The following SLC9C2 variants were observed in gnomAD, a reference collection of about 807,000 sequenced individuals.
SLC9C2 encodes solute carrier family 9 member C2 (putative).
In SLC9C2, 75 loss-of-function variants were observed where a neutral mutation model predicts 140.2. The ratio of observed to expected loss-of-function variants is 0.53; its 90% confidence interval spans 0.44 to 0.65. The LOEUF is 0.65. Ranked by LOEUF, SLC9C2 falls within the 30% of genes least tolerant of loss-of-function variation. The pLI is 0.00. For synonymous variants in SLC9C2, 375 were observed against 420.9 expected (o/e 0.89, Z 1.34); for missense variants, 1,074 against 1,331.8 (o/e 0.81, Z 3.01).
intron 8 of SLC9C2, 58 bp downstream of exon 8, chr1:173,576,603 G>C: frequency 3.9e-6 from 4 of 1,034,158 alleles, no homozygotes; most frequent in Non-Finnish European, 1.5e-6. Flanking sequence ...ATGAAGGCGA[G>C]ACGCCTTATG....
rs372849188 is a variant in SLC9C2, at chr1:173,533,817, C to T, written c.1975-20G>A. The T allele has an allele frequency of 6.3e-7, 1 of 1,585,742 alleles. No individual in the cohort carries two copies. Among genetic ancestry groups the T allele is most frequent in the Non-Finnish European group, 8.6e-7 (1 of 1,165,854 alleles). ...TATTATCTGTACAGAAAACAAATGT[C>T]ATTTCATAGCACCTATACAGTAATG... On this transcript the variant is annotated intron_variant, in intron 16 of 27. Transcript: ENST00000367714.
intron 9 of SLC9C2, among the ~76,000 whole-genome samples, chr1:173,568,724 A>G (rs929823396): frequency 1.3e-5 from 2 of 152,154 alleles, no homozygotes; most frequent in Non-Finnish European, 2.9e-5. Context: ...ATAATTGTCC[A>G]TGATTTTCCA....
chr1:173,527,025 A>G (rs140984491), intron 18 of SLC9C2, among the ~76,000 whole-genome samples: 8,296 of 151,992 alleles, frequency 0.055, 759 homozygotes, highest in African/African-American at 0.19. Flanking sequence ...TTGTATTTTT[A>G]GTAGAGATGG....
At chr1:173,569,206 A>G (rs1664685462) in intron 9 of SLC9C2, among the ~76,000 whole-genome samples, 1 of 151,720 alleles carries the variant, frequency 6.6e-6, no homozygotes, top group Non-Finnish European at 1.5e-5. Context: ...CTGACTGCAT[A>G]TTTTCAAATA....
At position 173,576,720 on chromosome 1, in the gene SLC9C2, A is replaced by C; in HGVS notation, c.843T>G (p.Ala281=). 1 of 1,609,812 alleles carries C rather than the reference A, an allele frequency of 6.2e-7. No individual in the cohort carries two copies. The highest frequency in any genetic ancestry group is 1.3e-5 in the African/African-American group (1 of 74,798). The change falls in exon 8 of 28, where the codon GCT becomes GCG. Residue 281 remains alanine, a synonymous_variant. Coordinates refer to ENST00000367714, the MANE Select transcript of SLC9C2 (RefSeq NM_178527.4). Reference sequence around the variant, plus strand: ...TTAAAGAATCTAAATTCAGTCCTACAGCGGCTAAGGCAAGAGTGCCTGACA... The same window carrying C: ...TTAAAGAATCTAAATTCAGTCCTACCGCGGCTAAGGCAAGAGTGCCTGACA... ...LGMSGTLALA[A]VGLNLDSLTF...
At chr1:173,524,977 A>G in intron 19 of SLC9C2, 50 bp from the exon 20 acceptor site, 1 of 1,564,684 alleles carries the variant, frequency 6.4e-7, no homozygotes, top group South Asian at 1.1e-5. Context: ...AATAACCACA[A>G]TAACTAATAT....
chr1:173,587,658 G>A lies in SLC9C2; in HGVS notation c.523+7C>T, dbSNP rs1665934296. 6.2e-7 allele frequency: 1 copy of A among 1,603,516 alleles called. No homozygotes were observed. Among genetic ancestry groups the A allele is most frequent in the Non-Finnish European group, 8.5e-7 (1 of 1,174,046 alleles). On this transcript the variant is annotated splice_region_variant and intron_variant, in intron 5 of 27. Coordinates refer to ENST00000367714, the MANE Select transcript of SLC9C2 (RefSeq NM_178527.4). ...CAAGATAAGAGAGAGAAATAAATGT[G>A]ACATACCAATAGTTTTTAGTGAATT...
chr1:173,534,054 C>T (rs967860362), intron 16 of SLC9C2, among the ~76,000 whole-genome samples: 1 of 152,028 alleles, frequency 6.6e-6, no homozygotes, highest in Non-Finnish European at 1.5e-5. Context: ...AGATTCATTG[C>T]AATACTATTA....
intron 3 of SLC9C2, among the ~76,000 whole-genome samples, chr1:173,599,170 G>C (rs962651328): frequency 6.6e-6 from 1 of 151,868 alleles, no homozygotes; most frequent in Non-Finnish European, 1.5e-5. Context: ...CCAGGCTGGA[G>C]TGCAGTGGCG....
intron 4 of SLC9C2, among the ~76,000 whole-genome samples, 186 bp from the exon 5 acceptor site, chr1:173,588,016 T>C (rs531004618): frequency 1.3e-5 from 2 of 152,312 alleles, no homozygotes; most frequent in Admixed American, 1.3e-4. Context: ...ATAAGCAAGA[T>C]TCTACCTTAT....
chr1:173,513,215 T>A (rs574959436), intron 23 of SLC9C2, among the ~76,000 whole-genome samples: 1 of 152,340 alleles, frequency 6.6e-6, no homozygotes, highest in African/African-American at 2.4e-5. Flanking sequence ...TTTCAACTCT[T>A]TGGAGTAGTT....
chr1:173,524,709 T>C (rs1661073830), intron 20 of SLC9C2, 70 bp downstream of exon 20: 1 of 1,531,278 alleles, frequency 6.5e-7, no homozygotes, highest in Non-Finnish European at 8.9e-7. Context: ...TCAATCTCCC[T>C]CCTTATTACA....
At chr1:173,530,866 T>C (rs1160060561) in intron 17 of SLC9C2, among the ~76,000 whole-genome samples, 1 of 152,078 alleles carries the variant, frequency 6.6e-6, no homozygotes, top group Non-Finnish European at 1.5e-5. Context: ...GGAGATGGCA[T>C]CATAGTGAAG....
chr1:173,567,010 T>G (rs1664515724), intron 9 of SLC9C2, among the ~76,000 whole-genome samples: 1 of 152,120 alleles, frequency 6.6e-6, no homozygotes, highest in African/African-American at 2.4e-5. Context: ...TGTTATTGAT[T>G]TCTTGTTTTA....
intron 13 of SLC9C2, among the ~76,000 whole-genome samples, chr1:173,540,717 T>C (rs1303462868): frequency 1.3e-5 from 2 of 152,214 alleles, no homozygotes; most frequent in South Asian, 2.1e-4. Context: ...GTACTGCTTT[T>C]TGTTAGCTTC....
At chr1:173,505,410 G>A in intron 25 of SLC9C2, 79 bp from the exon 26 acceptor site, 1 of 1,124,018 alleles carries the variant, frequency 8.9e-7, no homozygotes, top group East Asian at 2.5e-5. Flanking sequence ...TTTCCAAAGA[G>A]TATAAAAAAT....
intron 13 of SLC9C2, among the ~76,000 whole-genome samples, chr1:173,544,168 TCAAA>T (rs1378062938): frequency 6.6e-5 from 10 of 151,600 alleles, no homozygotes; most frequent in Non-Finnish European, 1.3e-4. Flanking sequence ...AAGAAAAAAA[TCAAA>T]CAACCCCATC....
intron 6 of SLC9C2, among the ~76,000 whole-genome samples, chr1:173,582,635 G>A (rs899789822): frequency 1.3e-5 from 2 of 152,090 alleles, no homozygotes; most frequent in Non-Finnish European, 2.9e-5. Context: ...TCCTCCTCTT[G>A]TGACTATCAC....
intron 9 of SLC9C2, among the ~76,000 whole-genome samples, chr1:173,567,813 T>C (rs551879234): frequency 2.6e-5 from 4 of 151,600 alleles, no homozygotes; most frequent in East Asian, 1.9e-4. Flanking sequence ...TTTTAATTCT[T>C]TGTGTATCTG....
Sources: allele counts gnomAD v4.1 joint callset (sites outside exome capture counted in the v4.1 genomes callset), GRCh38; gene constraint gnomAD v4.1.1; transcripts MANE v1.5; gene names NCBI Gene and HGNC (gene_info 2026-07-23, HGNC 2026-07-21).